OPA1: variants seen among roughly 807,000 people sequenced by gnomAD.
The protein encoded by OPA1 is dynamin-like GTPase OPA1, mitochondrial.
A neutral mutation model predicts 152.9 loss-of-function variants in OPA1; 59 were observed. The ratio of observed to expected loss-of-function variants is 0.39; its 90% CI spans 0.31 to 0.48. The LOEUF is 0.48. OPA1 is among the 20% of genes least tolerant of loss of function. The pLI is 0.96. For missense variants in OPA1, 1,008 were observed against 1,216.8 expected (o/e 0.83, Z 2.55); for synonymous variants, 400 against 389.9 (o/e 1.03, Z -0.31).
chr3:193,663,043 A>T lies in OPA1; in HGVS notation c.2661+81A>T, dbSNP rs1577320319. On this transcript the variant is annotated intron_variant, in intron 26 of 30. Coordinates refer to ENST00000361510, the MANE Select transcript of OPA1 (RefSeq NM_130837.3). ...GTAAATGTTACTACATGTGTTAGTT[A>T]GATATTTAAGTGCTTAATTTGACTT... 3 of 1,402,764 alleles carry T rather than the reference A, an allele frequency of 2.1e-6. No individual in the cohort carries two copies. The East Asian group carries it at 7.0e-5, about 33-fold the overall frequency. The allele number at this position is 1,402,764 out of a possible 1,614,324, so 86.9% of individuals were successfully genotyped here.
chr3:193,641,942 C>G (rs1733839954), intron 11 of OPA1, among the ~76,000 whole-genome samples: 2 of 152,202 alleles, frequency 1.3e-5, no homozygotes, highest in African/African-American at 4.8e-5. Context: ...TGGCGAAACC[C>G]TGTCTCTACT....
intron 15 of OPA1, 65 bp downstream of exon 15, chr3:193,643,692 A>G: frequency 1.4e-6 from 2 of 1,380,860 alleles, no homozygotes; most frequent in South Asian, 1.2e-5. Flanking sequence ...CAAGCTTTGC[A>G]TTAAATAGTT....
intron 29 of OPA1, among the ~76,000 whole-genome samples, chr3:193,673,416 T>C (rs1718347945): frequency 6.6e-6 from 1 of 152,222 alleles, no homozygotes; most frequent in Non-Finnish European, 1.5e-5. Flanking sequence ...AACAGTACAG[T>C]GTGCATGAAA....
In OPA1 at chr3:193,633,656, G is replaced by A. The variant is rs567607332; in HGVS notation, c.844-1762G>A. Among the ~76,000 whole-genome samples the A allele has an allele frequency of 3.9e-5, 6 of 152,264 alleles. No individual in the cohort carries two copies. The South Asian group carries it at 1.0e-3, about 26-fold the overall frequency. On this transcript the variant is annotated intron_variant, in intron 8 of 30. Transcript: ENST00000361510. ...ACATTAAAAAGGGGTAAAAAGAAAC[G>A]TGGAATTAGTTTTAATAATATATTT...
chr3:193,681,891 T>C (rs1007944198), intron 29 of OPA1, among the ~76,000 whole-genome samples: 1 of 152,156 alleles, frequency 6.6e-6, no homozygotes, highest in Non-Finnish European at 1.5e-5. Flanking sequence ...GGCCTCCCTA[T>C]TCCATAGGAC....
chr3:193,596,365 A>ATTTTCTTTTCTTTTC (rs71179314), intron 1 of OPA1, among the ~76,000 whole-genome samples: 47 of 68,082 alleles, frequency 6.9e-4, no homozygotes, highest in Middle Eastern at 7.0e-3. Flanking sequence ...TCTTTTCTTA[A>ATTTTCTTTTCTTTTC]TTTTCTTTTC....
At chr3:193,692,659 T>G (rs1721843041) in intron 30 of OPA1, among the ~76,000 whole-genome samples, 1 of 152,256 alleles carries the variant, frequency 6.6e-6, no homozygotes, top group South Asian at 2.1e-4. Flanking sequence ...CTTGTCTGAT[T>G]CTGCTTTCTG....
intron 1 of OPA1, among the ~76,000 whole-genome samples, chr3:193,612,344 G>A (rs931196487): frequency 6.7e-6 from 1 of 148,640 alleles, no homozygotes; most frequent in South Asian, 2.1e-4. Context: ...TGGACTCAGA[G>A]TATGTAGGTA....
chr3:193,593,724 C>T (rs1725029056), intron 1 of OPA1, among the ~76,000 whole-genome samples: 4 of 152,184 alleles, frequency 2.6e-5, no homozygotes, highest in South Asian at 2.1e-4. Flanking sequence ...TTCTGTCTGT[C>T]TCTGGTTGCC....
At chr3:193,598,313 CTG>C (rs1190625506) in intron 1 of OPA1, among the ~76,000 whole-genome samples, 1 of 152,084 alleles carries the variant, frequency 6.6e-6, no homozygotes. Context: ...CTTCCATTCT[CTG>C]TGAAGTAGAG....
At chr3:193,676,960 G>A (rs1211264976) in intron 29 of OPA1, among the ~76,000 whole-genome samples, 2 of 126,546 alleles carry the variant, frequency 1.6e-5, no homozygotes, top group African/African-American at 6.2e-5. Context: ...CAGCCTGGGT[G>A]ACAGAGCAAG....
chr3:193,668,190 G>A (rs1717070122), intron 29 of OPA1: 2 of 656,138 alleles, frequency 3.0e-6, no homozygotes, highest in Non-Finnish European at 5.2e-6. Flanking sequence ...TCTCCCTTTC[G>A]ATATTTGTCA....
chr3:193,668,532 C>G lies in OPA1; in HGVS notation c.2983+1252C>G, dbSNP rs114981357. 2.5e-3 allele frequency: 3,847 copies of G among 1,548,512 alleles called. 87 individuals carry two copies. In the African/African-American group the frequency reaches 0.048, roughly 19 times the overall value. The stretch of plus-strand genomic sequence containing the variant: ...CCACCCGCTAGCCTCTGCCCGACCC[C>G]AGACAGATTCCTTCCTCACCTGAAG... On this transcript the variant is annotated intron_variant, in intron 29 of 30. Coordinates refer to ENST00000361510, the MANE Select transcript of OPA1 (RefSeq NM_130837.3).
chr3:193,678,791 G>A (rs1353163768), intron 29 of OPA1, among the ~76,000 whole-genome samples: 3 of 152,116 alleles, frequency 2.0e-5, no homozygotes, highest in African/African-American at 7.2e-5. Flanking sequence ...TTGTGTGCTT[G>A]TGTATTCATT....
chr3:193,623,790 TTTC>T (rs1306680829), intron 6 of OPA1, among the ~76,000 whole-genome samples: 1 of 152,216 alleles, frequency 6.6e-6, no homozygotes, highest in Non-Finnish European at 1.5e-5. Flanking sequence ...GGTGCATAGA[TTTC>T]TTCCTCTTCC....
intron 25 of OPA1, among the ~76,000 whole-genome samples, 176 bp downstream of exon 25, chr3:193,659,737 G>GT (rs142217850): frequency 6.6e-6 from 1 of 151,994 alleles, no homozygotes; most frequent in East Asian, 1.9e-4. Context: ...ACATAAGAAA[G>GT]TTTTTTTTAA....
At position 193,668,257 on chromosome 3, in the gene OPA1, G is replaced by A. The variant is rs1257220130; in HGVS notation, c.2983+977G>A. 7.6e-6 allele frequency: 9 copies of A among 1,180,384 alleles called. No individual in the cohort carries two copies. The Admixed American group carries it at 1.1e-4, about 14-fold the overall frequency. 73.1% of individuals were successfully genotyped at this position (1,180,384 alleles called of 1,614,324 possible). On this transcript the variant is annotated intron_variant, in intron 29 of 30. Coordinates refer to ENST00000361510, the MANE Select transcript of OPA1 (RefSeq NM_130837.3). Reference sequence around the variant, plus strand: ...TATCCTTAATATATTTTCATATTTTGGTCAGTCCTCCTATACGTAACCCAA... The same window carrying A: ...TATCCTTAATATATTTTCATATTTTAGTCAGTCCTCCTATACGTAACCCAA...
chr3:193,609,299 C>G (rs905140992), intron 1 of OPA1, among the ~76,000 whole-genome samples: 1 of 152,176 alleles, frequency 6.6e-6, no homozygotes, highest in Non-Finnish European at 1.5e-5. Flanking sequence ...ACTTATGAAG[C>G]TTAGTTTGGC....
chr3:193,630,160 T>C (rs1296376617), intron 7 of OPA1, among the ~76,000 whole-genome samples: 1 of 152,212 alleles, frequency 6.6e-6, no homozygotes, highest in African/African-American at 2.4e-5. Context: ...CCTCTCCAAC[T>C]TGCTTGTCTC....
Sources: gnomAD v4.1 joint callset for allele counts (sites outside exome capture counted in the v4.1 genomes callset) on GRCh38, gnomAD v4.1.1 for gene constraint, MANE v1.5 for transcripts, NCBI Gene and HGNC (gene_info 2026-07-23, HGNC 2026-07-21) for gene names.